XPNPEP1: variants seen among roughly 807,000 people sequenced by gnomAD.
XPNPEP1 encodes the protein X-prolyl aminopeptidase 1.
A neutral mutation model predicts 92.4 loss-of-function variants in XPNPEP1; 39 were observed. The observed-to-expected ratio is 0.42, with a 90% CI of 0.33 to 0.55. The LOEUF (loss-of-function observed/expected upper bound fraction) is 0.55. XPNPEP1 is among the 20% of genes least tolerant of loss of function. The pLI is 0.08. For synonymous variants in XPNPEP1, 307 were observed against 299.4 expected (o/e 1.03, Z -0.26); for missense variants, 654 against 856.1 (o/e 0.76, Z 2.95).
intron 15 of XPNPEP1, 126 bp downstream of exon 15, chr10:109,875,402 G>A (rs902797171): frequency 5.5e-6 from 4 of 733,470 alleles, no homozygotes; most frequent in South Asian, 3.8e-5. Flanking sequence ...ACACAGGAAC[G>A]ATTCCATTAG....
In XPNPEP1 at chr10:109,867,909, C is replaced by T. The variant is rs1276244199; in HGVS notation, c.1872+705G>A. Among the ~76,000 whole-genome samples, 1 of 152,174 alleles carries T rather than the reference C, an allele frequency of 6.6e-6. No individual in the cohort carries two copies. Among genetic ancestry groups the T allele is most frequent in the Non-Finnish European group, 1.5e-5 (1 of 68,046 alleles). ...TAACAGTTCCTACCCCATTTCTGACCCTTGTTTCTGCTCTGACCTTGAACA... is the reference window on the plus strand; with the variant it reads ...TAACAGTTCCTACCCCATTTCTGACTCTTGTTTCTGCTCTGACCTTGAACA... On this transcript the variant is annotated intron_variant, in intron 20 of 20. Coordinates refer to ENST00000502935, the MANE Select transcript of XPNPEP1 (RefSeq NM_020383.4). The surrounding 1 kb of genome is among the most constrained non-coding windows in gnomAD (Gnocchi z 4.5).
intron 3 of XPNPEP1, among the ~76,000 whole-genome samples, chr10:109,900,559 G>A (rs544890310): frequency 1.8e-4 from 27 of 152,184 alleles, no homozygotes; most frequent in African/African-American, 6.3e-4. Context: ...TCTACCACCT[G>A]CCTGCAAGGT....
intron 2 of XPNPEP1, among the ~76,000 whole-genome samples, chr10:109,910,871 G>GTAA (rs1849830827): frequency 6.6e-6 from 1 of 152,196 alleles, no homozygotes; most frequent in Non-Finnish European, 1.5e-5. Context: ...AAGTAACACA[G>GTAA]AGTTAAATCA....
rs780712204 is a variant in XPNPEP1, at chr10:109,915,108, G to C, written c.33-9C>G. On this transcript the variant is annotated splice_polypyrimidine_tract_variant and intron_variant, in intron 1 of 20. Transcript: ENST00000502935. ...AATCCTGGTGATTCACCCTTAAGGA[G>C]AGAAAGAACAGGAAGTTGCAGACTT... The C allele has an allele frequency of 1.3e-6, 2 of 1,496,994 alleles. No individual in the cohort carries two copies. The highest frequency in any genetic ancestry group is 1.8e-6 in the Non-Finnish European group (2 of 1,121,876). 92.7% of individuals were successfully genotyped at this position (1,496,994 alleles called of 1,614,324 possible).
rs1292633114 is a variant in XPNPEP1 at position 109,871,884 on chromosome 10, TG to T, written c.1453-24del. The T allele has an allele frequency of 1.8e-5, 29 of 1,610,926 alleles. No individual in the cohort carries two copies. The Admixed American group carries it at 3.4e-4, about 19-fold the overall frequency. ...TTCCTGCAAAGAAAACCCAGGGGCA[TG>T]TTGCAGAATGGGGACAGATGTCTAA... On this transcript the variant is annotated intron_variant, in intron 16 of 20. Coordinates refer to ENST00000502935, the MANE Select transcript of XPNPEP1 (RefSeq NM_020383.4).
intron 2 of XPNPEP1, among the ~76,000 whole-genome samples, chr10:109,914,639 A>C (rs1213049688): frequency 6.6e-6 from 1 of 152,076 alleles, no homozygotes; most frequent in Non-Finnish European, 1.5e-5. Context: ...TCTACTAAAA[A>C]TACAAAATTA....
chr10:109,882,366 C>A, intron 10 of XPNPEP1, 66 bp downstream of exon 10: 1 of 1,561,414 alleles, frequency 6.4e-7, no homozygotes, highest in South Asian at 1.2e-5. Context: ...GCCTGTGCTC[C>A]AAAGACAATA....
chr10:109,904,509 T>A (rs1849451070), intron 3 of XPNPEP1, among the ~76,000 whole-genome samples: 1 of 152,084 alleles, frequency 6.6e-6, no homozygotes, highest in Non-Finnish European at 1.5e-5. Flanking sequence ...CATGGACATT[T>A]AAGTCTGAAA....
chr10:109,890,862 T>C (rs1848669907), intron 5 of XPNPEP1, among the ~76,000 whole-genome samples: 1 of 152,180 alleles, frequency 6.6e-6, no homozygotes, highest in African/African-American at 2.4e-5. Flanking sequence ...CATGGTCTAG[T>C]CCTCTGTTTC....
rs1398828704 is a variant in XPNPEP1, at chr10:109,905,708, ATAT to A, written c.246+1980_246+1982del. The stretch of plus-strand genomic sequence containing the variant: ...TTTTTAAATGGTTAAAATAAATGTC[ATAT>A]TATACATTTTTCACCACAATAAAAA... On this transcript the variant is annotated intron_variant, in intron 3 of 20. Transcript: ENST00000502935. Among the ~76,000 whole-genome samples the A allele has an allele frequency of 4.6e-5, 7 of 152,356 alleles. No homozygotes were observed. The East Asian group carries it at 1.3e-3, about 29-fold the overall frequency.
At chr10:109,912,592 A>G (rs1437349508) in intron 2 of XPNPEP1, among the ~76,000 whole-genome samples, 1 of 152,222 alleles carries the variant, frequency 6.6e-6, no homozygotes, top group Non-Finnish European at 1.5e-5. Flanking sequence ...AAAGGCAGCC[A>G]AGATGGAGGA....
chr10:109,885,304 T>TG (rs1279219417), intron 8 of XPNPEP1, among the ~76,000 whole-genome samples: 12 of 152,196 alleles, frequency 7.9e-5, no homozygotes, highest in African/African-American at 1.2e-4. Flanking sequence ...ACTGATACAG[T>TG]GAAAAAATCA....
intron 1 of XPNPEP1, among the ~76,000 whole-genome samples, chr10:109,921,824 T>C (rs146948231): frequency 0.017 from 2,586 of 152,290 alleles, 38 homozygotes; most frequent in South Asian, 0.098. Context: ...GCCATAATGA[T>C]TGGTTCACAG....
At chr10:109,892,527 T>C (rs4917547) in intron 4 of XPNPEP1, 47,134 of 159,486 alleles carry the variant, frequency 0.3, 7,406 homozygotes, top group Admixed American at 0.46. Context: ...AAAGGCATAA[T>C]GGTTTTGAGG....
chr10:109,897,799 G>A (rs917042166), intron 3 of XPNPEP1, among the ~76,000 whole-genome samples: 3 of 151,826 alleles, frequency 2.0e-5, no homozygotes, highest in African/African-American at 7.3e-5. Context: ...GATTACAGGC[G>A]CCCACCACCA....
At chr10:109,883,805 T>A (rs1394715827) in intron 9 of XPNPEP1, 1 of 399,906 alleles carries the variant, frequency 2.5e-6, no homozygotes. Flanking sequence ...CACTGGCTGC[T>A]AGAAAACTTG....
rs774033134 is a variant in XPNPEP1 at position 109,888,100 on chromosome 10, G to T, written c.601C>A (p.Arg201Ser). The change falls in exon 7 of 21, where the codon CGT becomes AGT. Residue 201 changes from arginine to serine, a missense_variant. Physicochemically the swap from Arg to Ser is moderately radical, Grantham distance 110. Coordinates refer to ENST00000502935, the MANE Select transcript of XPNPEP1 (RefSeq NM_020383.4). Reference protein sequence around the residue: ...ENLVDKIWTDRPERPCKPLLT... With the variant: ...ENLVDKIWTDSPERPCKPLLT... ...AGAGGCTTGCAAGGGCGCTCAGGAC[G>T]GTCTGTCCAGATTTTGTCAACGAGG... 1 of 1,613,900 alleles carries T rather than the reference G, an allele frequency of 6.2e-7. No individual in the cohort carries two copies. Among genetic ancestry groups the T allele is most frequent in the East Asian group, 2.2e-5 (1 of 44,866 alleles).
At position 109,915,033 on chromosome 10, in the gene XPNPEP1, T is replaced by C; in HGVS notation, c.99A>G (p.Ser33=). The C allele has an allele frequency of 1.3e-6, 2 of 1,531,200 alleles. No individual in the cohort carries two copies. Among genetic ancestry groups the C allele is most frequent in the Non-Finnish European group, 1.7e-6 (2 of 1,143,466 alleles). 94.9% of individuals were successfully genotyped at this position (1,531,200 alleles called of 1,614,324 possible). ...RIIEPNEVTH[S]GDTGVETDGR... is the part of the protein sequence containing the mutation. ...TACCTGTTTCCACACCTGTGTCTCCTGAGTGTGTCACCTCGTTAGGTTCAA... is the reference window on the plus strand; with the variant it reads ...TACCTGTTTCCACACCTGTGTCTCCCGAGTGTGTCACCTCGTTAGGTTCAA... Residue 33 remains serine (S), a synonymous_variant, in exon 2 of 21, where the codon TCA becomes TCG. Coordinates refer to ENST00000502935, the MANE Select transcript of XPNPEP1 (RefSeq NM_020383.4).
chr10:109,888,885 C>T (rs1321231099), intron 5 of XPNPEP1, among the ~76,000 whole-genome samples: 1 of 152,190 alleles, frequency 6.6e-6, no homozygotes, highest in Non-Finnish European at 1.5e-5. Context: ...GGGATCACTG[C>T]CACGTACACA....
Sources: gnomAD v4.1 joint callset for allele counts (sites outside exome capture counted in the v4.1 genomes callset) on GRCh38, gnomAD v4.1.1 for gene constraint, Gnocchi (gnomAD v3.1) non-coding constraint, MANE v1.5 for transcripts, NCBI Gene and HGNC (gene_info 2026-07-23, HGNC 2026-07-21) for gene names.